CNTN4: variants seen among roughly 807,000 people sequenced by gnomAD.
The protein encoded by CNTN4 is contactin 4.
CNTN4 carries 77 observed loss-of-function variants against 122.5 expected under a neutral mutation model. The observed-to-expected ratio is 0.63, with a 90% CI of 0.52 to 0.76. The LOEUF (loss-of-function observed/expected upper bound fraction) is 0.76, where lower values mean the gene tolerates loss of function less well. Among genes scored for constraint, CNTN4 ranks in the 30% least tolerant of loss-of-function variants. The probability of loss-of-function intolerance (pLI) is 0.00; values close to 1 mark genes in which losing one functional copy is unlikely to be tolerated. For synonymous variants in CNTN4, 512 were observed against 447.0 expected, an observed-to-expected ratio of 1.15 and a Z score of -1.83; for missense variants, 1,256 against 1,259.1, an observed-to-expected ratio of 1.00 and a Z score of 0.04.
chr3:2,335,293 T>A (rs551933722), intron 2 of CNTN4, among the ~76,000 whole-genome samples: 1 of 137,880 alleles, frequency 7.3e-6, no homozygotes, highest in African/African-American at 2.7e-5. Flanking sequence ...TAGTGAATTT[T>A]TCATGATTAA....
intron 2 of CNTN4, among the ~76,000 whole-genome samples, chr3:2,306,568 A>G (rs2042714463): frequency 6.6e-6 from 1 of 152,016 alleles, no homozygotes; most frequent in Admixed American, 6.6e-5. Context: ...GTCGTCAGAC[A>G]TTGTTTTTTT....
intron 3 of CNTN4, among the ~76,000 whole-genome samples, chr3:2,491,786 A>G (rs541225412): frequency 6.6e-6 from 1 of 152,306 alleles, no homozygotes; most frequent in Non-Finnish European, 1.5e-5. Context: ...ATCCTTCAGT[A>G]AAACTAGAAA....
intron 8 of CNTN4, among the ~76,000 whole-genome samples, chr3:2,868,212 T>C (rs555717725): frequency 7.2e-5 from 11 of 152,360 alleles, no homozygotes; most frequent in African/African-American, 2.6e-4. Context: ...ATGTGAATTA[T>C]CTCATTTAAA....
At chr3:2,387,105 G>A (rs2046282431) in intron 3 of CNTN4, among the ~76,000 whole-genome samples, 1 of 152,066 alleles carries the variant, frequency 6.6e-6, no homozygotes, top group Admixed American at 6.6e-5. Context: ...TATTCATTTT[G>A]TGTGTCATCT....
chr3:2,627,498 T>C (rs1289166282), intron 4 of CNTN4, among the ~76,000 whole-genome samples: 1 of 146,948 alleles, frequency 6.8e-6, no homozygotes, highest in East Asian at 2.2e-4. Context: ...GTCTTTTTTT[T>C]TTTTTTTTTT....
At chr3:2,627,661 T>A (rs1321156752) in intron 4 of CNTN4, among the ~76,000 whole-genome samples, 1 of 151,528 alleles carries the variant, frequency 6.6e-6, no homozygotes, top group Non-Finnish European at 1.5e-5. Flanking sequence ...GCCTGGCTAA[T>A]TTTTTGTATT....
chr3:2,849,098 G>A (rs1448643985), intron 7 of CNTN4, among the ~76,000 whole-genome samples: 1 of 152,192 alleles, frequency 6.6e-6, no homozygotes, highest in African/African-American at 2.4e-5. Context: ...GATGTGAGAG[G>A]TGTATACCAT....
chr3:2,363,610 G>T (rs1406698964), intron 3 of CNTN4, among the ~76,000 whole-genome samples: 1 of 151,940 alleles, frequency 6.6e-6, no homozygotes, highest in Admixed American at 6.6e-5. Flanking sequence ...GTAATTCCTG[G>T]GAGCTGCAGT....
At chr3:2,237,161 T>A (rs2039712457) in intron 2 of CNTN4, among the ~76,000 whole-genome samples, 1 of 152,052 alleles carries the variant, frequency 6.6e-6, no homozygotes, top group Non-Finnish European at 1.5e-5. Context: ...TACTAGCTAC[T>A]AAAGTTTGTG....
chr3:2,125,894 GGTGTGTGT>G lies in CNTN4; in HGVS notation c.-145+25282_-145+25289del, dbSNP rs61706367. ...TATAAGTTGCTCAGTTTTTATTTCT[GGTGTGTGT>G]GTGTGTGTGTGTGTGTGTGTGTGTG... On this transcript the variant is annotated intron_variant, in intron 2 of 24. Transcript: ENST00000418658. Among the ~76,000 whole-genome samples the G allele has an allele frequency of 2.3e-3, 331 of 143,472 alleles. 3 individuals are homozygous for G. Among genetic ancestry groups the G allele is most frequent in the South Asian group, 0.015 (67 of 4,330 alleles). 94.1% of individuals were successfully genotyped at this position (143,472 alleles called of 152,430 possible). A position where few individuals can be genotyped will look rare whatever the true frequency, so the allele number is the denominator to read the frequency against.
rs952348369 is a variant in CNTN4 at position 3,040,248 on chromosome 3, C to T, written c.2375C>T (p.Thr792Met). ...GGAGAAGGCCCTTTCAGTCCCACCACGGTGGTGTATTCTGCAGAAGAAGGT... is the reference window on the plus strand; with the variant it reads ...GGAGAAGGCCCTTTCAGTCCCACCATGGTGGTGTATTCTGCAGAAGAAGGT... ...NKGEGPFSPT[T>M]VVYSAEEEPT... Residue 792 changes from threonine (T) to methionine (M), a missense_variant, in exon 20 of 25, where the codon ACG becomes ATG. Thr to Met is a moderately conservative substitution (Grantham distance 81). Transcript: ENST00000418658. 3.3e-5 allele frequency: 54 copies of T among 1,613,310 alleles called. No homozygotes were observed. The highest frequency in any genetic ancestry group is 4.0e-5 in the African/African-American group (3 of 74,936).
At chr3:2,547,621 C>T (rs1460210311) in intron 3 of CNTN4, among the ~76,000 whole-genome samples, 1 of 152,094 alleles carries the variant, frequency 6.6e-6, no homozygotes, top group Admixed American at 6.6e-5. Flanking sequence ...ATTCAGTAAA[C>T]ATTTAGAAAG....
At chr3:2,623,798 C>G (rs1365812465) in intron 4 of CNTN4, among the ~76,000 whole-genome samples, 2 of 152,090 alleles carry the variant, frequency 1.3e-5, no homozygotes. Context: ...TGTCCCCTGA[C>G]TAGGAAATCC....
chr3:2,379,988 T>C (rs2045957367), intron 3 of CNTN4, among the ~76,000 whole-genome samples: 1 of 144,880 alleles, frequency 6.9e-6, no homozygotes, highest in Admixed American at 7.2e-5. Flanking sequence ...ACCCAGGAGA[T>C]GGAGGTTGCG....
At chr3:2,731,234 G>A (rs2088656801) in intron 4 of CNTN4, among the ~76,000 whole-genome samples, 1 of 151,940 alleles carries the variant, frequency 6.6e-6, no homozygotes. Context: ...GCTTTTTTCT[G>A]ATAATCCAAA....
At chr3:2,502,072 A>T (rs2076608902) in intron 3 of CNTN4, among the ~76,000 whole-genome samples, 1 of 152,180 alleles carries the variant, frequency 6.6e-6, no homozygotes, top group South Asian at 2.1e-4. Flanking sequence ...GTATATGCAA[A>T]TATTCCAAAA....
intron 2 of CNTN4, among the ~76,000 whole-genome samples, chr3:2,233,234 C>G (rs186262333): frequency 1.2e-4 from 18 of 152,230 alleles, no homozygotes; most frequent in African/African-American, 4.3e-4. Flanking sequence ...AGATTCTTCA[C>G]TGATCCCTGT....
chr3:2,247,677 G>C (rs923753619), intron 2 of CNTN4, among the ~76,000 whole-genome samples: 2 of 151,890 alleles, frequency 1.3e-5, no homozygotes, highest in African/African-American at 4.8e-5. Flanking sequence ...ATTATAAGTT[G>C]ACTTATACAT....
rs533548308 is a variant in CNTN4, at chr3:2,782,688, A to G, written c.359-36798A>G. On this transcript the variant is annotated intron_variant, in intron 6 of 24. Coordinates refer to ENST00000418658, the MANE Select transcript of CNTN4 (RefSeq NM_175607.3). Reference sequence around the variant, plus strand: ...GTTTGGGGATCGAAAACTAGTAACAACTTCACTTTGAAAATCTTTTCAGTG... The same window carrying G: ...GTTTGGGGATCGAAAACTAGTAACAGCTTCACTTTGAAAATCTTTTCAGTG... Among the ~76,000 whole-genome samples the G allele has an allele frequency of 2.0e-4, 30 of 152,214 alleles. 1 individual carries two copies. The South Asian group carries it at 5.8e-3, about 29-fold the overall frequency.
Sources: gnomAD v4.1 joint callset for allele counts (sites outside exome capture counted in the v4.1 genomes callset) on GRCh38, gnomAD v4.1.1 for gene constraint, MANE v1.5 for transcripts, NCBI Gene and HGNC (gene_info 2026-07-23, HGNC 2026-07-21) for gene names.